Variants in MBNL1 observed in about 807,000 individuals in gnomAD.
MBNL1 encodes the protein muscleblind like splicing regulator 1.
MBNL1 carries 8 observed loss-of-function variants against 42.2 expected under a neutral mutation model. The observed-to-expected ratio is 0.19, with a 90% CI of 0.11 to 0.34. The LOEUF is 0.34. MBNL1 is among the 10% of genes least tolerant of loss of function. The pLI, the probability that MBNL1 is intolerant of heterozygous loss-of-function variation, is 1.00. For missense variants in MBNL1, 309 were observed against 495.3 expected (o/e 0.62, Z 3.57); for synonymous variants, 169 against 173.9 (o/e 0.97, Z 0.22).
intron 2 of MBNL1, among the ~76,000 whole-genome samples, chr3:152,336,382 C>T (rs1232802065): frequency 6.6e-6 from 1 of 152,070 alleles, no homozygotes; most frequent in Admixed American, 6.6e-5. Context: ...AAATTATTAC[C>T]TTTAAAAAAA....
intron 2 of MBNL1, among the ~76,000 whole-genome samples, chr3:152,384,612 G>T (rs2097332195): frequency 6.6e-6 from 1 of 152,064 alleles, no homozygotes; most frequent in African/African-American, 2.4e-5. Flanking sequence ...TAGGCAGCCT[G>T]TCACAGTGCT....
chr3:152,428,734 G>T (rs1275023710), intron 3 of MBNL1, among the ~76,000 whole-genome samples: 1 of 152,162 alleles, frequency 6.6e-6, no homozygotes, highest in Non-Finnish European at 1.5e-5. Flanking sequence ...AGTGAGGAGT[G>T]GCCAGGGCAT....
At position 152,316,687 on chromosome 3, in the gene MBNL1, C is replaced by T. The variant is rs1283459043; in HGVS notation, c.174+16320C>T. 2.0e-5 allele frequency among the ~76,000 whole-genome samples: 3 copies of T among 152,036 alleles called. No individual in the cohort carries two copies. The East Asian group carries it at 5.8e-4, about 29-fold the overall frequency. On this transcript the variant is annotated intron_variant, in intron 2 of 9. Coordinates refer to ENST00000324210, the MANE Select transcript of MBNL1 (RefSeq NM_021038.5). Reference sequence around the variant, plus strand: ...GTGTGCCTCTGATTAACAACCATTCCTTTAATACTGCTGAGAGGTTCTGGG... The same window carrying T: ...GTGTGCCTCTGATTAACAACCATTCTTTTAATACTGCTGAGAGGTTCTGGG...
chr3:152,351,002 C>A (rs1257661218), intron 2 of MBNL1, among the ~76,000 whole-genome samples: 1 of 152,050 alleles, frequency 6.6e-6, no homozygotes, highest in African/African-American at 2.4e-5. Context: ...TAATTAGCTA[C>A]CTAGGTGAAC....
intron 2 of MBNL1, among the ~76,000 whole-genome samples, chr3:152,353,553 G>A (rs1018791263): frequency 2.0e-5 from 3 of 151,912 alleles, no homozygotes; most frequent in African/African-American, 4.8e-5. Flanking sequence ...GATGAATGAT[G>A]TGAGGTAGAT....
intron 2 of MBNL1, among the ~76,000 whole-genome samples, chr3:152,306,147 C>T (rs2063014352): frequency 6.6e-6 from 1 of 152,184 alleles, no homozygotes; most frequent in African/African-American, 2.4e-5. Context: ...AATTGTCCAT[C>T]TTTAGAACTA....
intron 2 of MBNL1, among the ~76,000 whole-genome samples, chr3:152,303,597 A>G (rs1430455614): frequency 6.6e-6 from 1 of 152,196 alleles, no homozygotes; most frequent in Non-Finnish European, 1.5e-5. Context: ...AGAAAATTAT[A>G]TTTCAAAAAT....
At chr3:152,426,051 C>T (rs1436268670) in intron 3 of MBNL1, among the ~76,000 whole-genome samples, 1 of 152,138 alleles carries the variant, frequency 6.6e-6, no homozygotes, top group Non-Finnish European at 1.5e-5. Flanking sequence ...TTTGCAGGGA[C>T]ATGGATGAAG....
intron 2 of MBNL1, among the ~76,000 whole-genome samples, chr3:152,358,547 T>G (rs1035307853): frequency 9.8e-5 from 15 of 152,306 alleles, no homozygotes; most frequent in Non-Finnish European, 1.9e-4. Flanking sequence ...ATCTATTTCC[T>G]TTGCTGTTAA....
At chr3:152,325,228 C>T (rs929770161) in intron 2 of MBNL1, among the ~76,000 whole-genome samples, 37 of 151,854 alleles carry the variant, frequency 2.4e-4, no homozygotes, top group African/African-American at 9.0e-4. Context: ...CTCTAGAAAG[C>T]TTCTCCTCAC....
chr3:152,389,768 C>T (rs113628520), intron 2 of MBNL1, among the ~76,000 whole-genome samples: 154 of 152,266 alleles, frequency 1.0e-3, no homozygotes, highest in African/African-American at 3.6e-3. Context: ...GTGAAGGCCT[C>T]AGAGATTACT....
intron 2 of MBNL1, among the ~76,000 whole-genome samples, chr3:152,247,978 T>A (rs553737617): frequency 6.6e-6 from 1 of 152,090 alleles, no homozygotes; most frequent in Non-Finnish European, 1.5e-5. Flanking sequence ...ACTTTACAGA[T>A]ATTTCATCAT....
At chr3:152,282,117 T>A (rs976012748) in intron 1 of MBNL1, among the ~76,000 whole-genome samples, 2 of 152,178 alleles carry the variant, frequency 1.3e-5, no homozygotes, top group Non-Finnish European at 1.5e-5. Flanking sequence ...AAATTTGCTC[T>A]GAAATATTGA....
Position 152,455,527 on chromosome 3 carries a change from A to C in MBNL1, c.962-15A>C. On this transcript the variant is annotated splice_polypyrimidine_tract_variant and intron_variant, in intron 6 of 9. Transcript: ENST00000324210. ...TTTTCAAATCCACCTTCCTGTTGCA[A>C]TGCATGATGGGCAGGCTCAATATTG... The C allele has an allele frequency of 6.2e-7, 1 of 1,611,744 alleles. No individual in the cohort carries two copies. Among genetic ancestry groups the C allele is most frequent in the African/African-American group, 1.3e-5 (1 of 74,954 alleles).
chr3:152,445,315 C>T lies in MBNL1; in HGVS notation c.583C>T (p.Arg195Ter), dbSNP rs755423235. The stretch of plus-strand genomic sequence containing the variant: ...AGAGTACCAACGTGGCAATTGCAAC[C>T]GAGGAGAAAATGATTGTCGGTTTGC... ...CREYQRGNCNRGENDCRFAHP... is the reference protein window; with the variant it reads ...CREYQRGNCN Residue 195 changes from arginine (R) to a stop codon, truncating the protein, a stop_gained, in exon 5 of 10, where the codon CGA becomes TGA. Coordinates refer to ENST00000324210, the MANE Select transcript of MBNL1 (RefSeq NM_021038.5). LOFTEE classifies it high-confidence loss of function. 1 of 1,613,852 alleles carries T rather than the reference C, an allele frequency of 6.2e-7. No individual in the cohort carries two copies. Among genetic ancestry groups the T allele is most frequent in the African/African-American group, 1.3e-5 (1 of 74,858 alleles).
intron 2 of MBNL1, among the ~76,000 whole-genome samples, chr3:152,363,538 C>T (rs1027789614): frequency 1.3e-5 from 2 of 152,186 alleles, no homozygotes; most frequent in African/African-American, 4.8e-5. Flanking sequence ...AATGAAACTA[C>T]TTGTTGTCTT....
At chr3:152,391,970 A>G (rs1248537039) in intron 2 of MBNL1, among the ~76,000 whole-genome samples, 1 of 152,114 alleles carries the variant, frequency 6.6e-6, no homozygotes, top group African/African-American at 2.4e-5. Context: ...GTAGTAAAGT[A>G]TTGGCACTTT....
At chr3:152,401,317 A>G (rs1409077848) in intron 2 of MBNL1, among the ~76,000 whole-genome samples, 2 of 152,232 alleles carry the variant, frequency 1.3e-5, no homozygotes, top group East Asian at 3.8e-4. Context: ...ACTTGGCAAG[A>G]AAAGAAGGGA....
intron 2 of MBNL1, among the ~76,000 whole-genome samples, chr3:152,364,296 T>C (rs2096215566): frequency 6.6e-6 from 1 of 152,126 alleles, no homozygotes. Flanking sequence ...GTAGCTATAG[T>C]GTGATTTACA....
Sources: gnomAD v4.1 joint callset for allele counts (sites outside exome capture counted in the v4.1 genomes callset) on GRCh38, gnomAD v4.1.1 for gene constraint, MANE v1.5 for transcripts, NCBI Gene and HGNC (gene_info 2026-07-23, HGNC 2026-07-21) for gene names.